Variants in MAML2 observed in about 807,000 individuals in gnomAD.
The protein encoded by MAML2 is mastermind like transcriptional coactivator 2.
In MAML2, 22 loss-of-function variants were observed where a neutral mutation model predicts 96.1. The ratio of observed to expected loss-of-function variants is 0.23; its 90% confidence interval spans 0.16 to 0.33. MAML2 has a LOEUF of 0.33. MAML2 is among the 10% of genes least tolerant of loss of function. The probability of loss-of-function intolerance (pLI) is 1.00; values close to 1 mark genes in which losing one functional copy is unlikely to be tolerated. For missense variants in MAML2, 1,367 were observed against 1,392.4 expected (o/e 0.98, Z 0.29); for synonymous variants, 561 against 521.3 (o/e 1.08, Z -1.04).
intron 2 of MAML2, among the ~76,000 whole-genome samples, chr11:96,074,952 G>GA (rs1859411303): frequency 6.6e-6 from 1 of 151,992 alleles, no homozygotes; most frequent in African/African-American, 2.4e-5. Flanking sequence ...TTTTCCTCTG[G>GA]AAAAAAAGAT....
intron 2 of MAML2, among the ~76,000 whole-genome samples, chr11:96,003,040 G>A (rs973160746): frequency 1.3e-5 from 2 of 150,812 alleles, no homozygotes; most frequent in Non-Finnish European, 3.0e-5. Context: ...GGATGAGGAG[G>A]ATGATGGGGA....
At chr11:95,993,691 T>C (rs11021370) in intron 2 of MAML2, among the ~76,000 whole-genome samples, 13,194 of 152,206 alleles carry the variant, frequency 0.087, 660 homozygotes, top group East Asian at 0.2. Flanking sequence ...TCTTTAACTA[T>C]GTGCCGAGCT....
Position 96,093,326 on chromosome 11 carries a change from C to G in MAML2, c.705G>C (p.Met235Ile). 1.2e-6 allele frequency: 2 copies of G among 1,613,968 alleles called. No homozygotes were observed. Among genetic ancestry groups the G allele is most frequent in the East Asian group, 2.2e-5 (1 of 44,884 alleles). The change falls in exon 2 of 5, where the codon ATG becomes ATC. Residue 235 changes from methionine (M) to isoleucine (I), a missense_variant. Met to Ile is a conservative substitution (Grantham distance 10). Coordinates refer to ENST00000524717, the MANE Select transcript of MAML2 (RefSeq NM_032427.4). The stretch of plus-strand genomic sequence containing the variant: ...TAGTCTTTCGCAGGGGTGCTTGGCT[C>G]ATAGGCAAGGTCCCTGACATAATCT... ...QSQIMSGTLP[M>I]SQAPLRKTNT... is the part of the protein sequence containing the mutation.
At chr11:96,272,272 A>G (rs868530868) in intron 1 of MAML2, among the ~76,000 whole-genome samples, 3 of 152,202 alleles carry the variant, frequency 2.0e-5, no homozygotes, top group Admixed American at 6.5e-5. Flanking sequence ...AGTGCCTGGC[A>G]TATAGTAGGA....
chr11:96,150,275 G>A (rs1166772492), intron 1 of MAML2, among the ~76,000 whole-genome samples: 1 of 152,150 alleles, frequency 6.6e-6, no homozygotes, highest in African/African-American at 2.4e-5. Context: ...CTCTCACGAA[G>A]CTCAGCTTCA....
chr11:96,299,885 A>T (rs1283358984), intron 1 of MAML2, among the ~76,000 whole-genome samples: 3 of 152,174 alleles, frequency 2.0e-5, no homozygotes, highest in Non-Finnish European at 4.4e-5. Flanking sequence ...GGGAATCAAA[A>T]CCAAAACAAT....
Position 96,092,003 on chromosome 11 carries a change from G to A in MAML2, c.2028C>T (p.Ser676=), listed in dbSNP as rs768527154. ...PSSQPAQSLP[S]QPLLRSPLPL... ...GCAAAGGTGACCTTAGCAAAGGCTG[G>A]CTTGGTAGAGATTGGGCAGGCTGAG... Residue 676 remains serine, a synonymous_variant, in exon 2 of 5, where the codon AGC becomes AGT. Coordinates refer to ENST00000524717, the MANE Select transcript of MAML2 (RefSeq NM_032427.4). The surrounding 1 kb of genome is among the most constrained non-coding windows in gnomAD (Gnocchi z 4.1). 2 of 1,582,390 alleles carry A rather than the reference G, an allele frequency of 1.3e-6. No homozygotes were observed. The highest frequency in any genetic ancestry group is 1.8e-5 in the Admixed American group (1 of 54,570).
At chr11:96,077,344 C>T (rs1335030986) in intron 2 of MAML2, among the ~76,000 whole-genome samples, 1 of 151,284 alleles carries the variant, frequency 6.6e-6, no homozygotes, top group Non-Finnish European at 1.5e-5. Context: ...CCCCAGCCTC[C>T]CAAGCAGTTG....
intron 1 of MAML2, among the ~76,000 whole-genome samples, chr11:96,263,762 C>T (rs974627666): frequency 1.3e-5 from 2 of 152,174 alleles, no homozygotes; most frequent in Non-Finnish European, 2.9e-5. Flanking sequence ...CCACAATGAC[C>T]CCTTTGAATG....
intron 2 of MAML2, among the ~76,000 whole-genome samples, chr11:95,992,905 G>T (rs1056352687): frequency 6.0e-5 from 9 of 151,158 alleles, no homozygotes; most frequent in African/African-American, 2.2e-4. Context: ...TTAAGAGACA[G>T]AGTCTCACTC....
intron 1 of MAML2, among the ~76,000 whole-genome samples, chr11:96,185,384 T>G (rs1664490415): frequency 6.6e-6 from 1 of 152,210 alleles, no homozygotes; most frequent in Admixed American, 6.5e-5. Flanking sequence ...TTATAGCCTG[T>G]TTCCAATATG....
intron 2 of MAML2, among the ~76,000 whole-genome samples, chr11:96,005,289 T>G (rs1858161017): frequency 6.6e-6 from 1 of 152,254 alleles, no homozygotes; most frequent in South Asian, 2.1e-4. Context: ...TGACATTTAA[T>G]TGATTCTTCT....
chr11:96,097,896 T>A lies in MAML2; in HGVS notation c.514-4379A>T, dbSNP rs1859859223. On this transcript the variant is annotated intron_variant, in intron 1 of 4. Coordinates refer to ENST00000524717, the MANE Select transcript of MAML2 (RefSeq NM_032427.4). ...CATTTCATAAGTGAAAAAATTGAGG[T>A]TCCTGACATTAAGATTACACAGTAA... Among the ~76,000 whole-genome samples, 3 of 152,104 alleles carry A rather than the reference T, an allele frequency of 2.0e-5. No individual in the cohort carries two copies. The South Asian group carries it at 6.2e-4, about 31-fold the overall frequency.
At chr11:96,339,344 A>G (rs1003424638) in intron 1 of MAML2, among the ~76,000 whole-genome samples, 6 of 152,210 alleles carry the variant, frequency 3.9e-5, no homozygotes, top group Non-Finnish European at 7.3e-5. Context: ...TTGCTACTGT[A>G]AAGTTACCAC....
intron 1 of MAML2, among the ~76,000 whole-genome samples, chr11:96,189,491 A>G (rs184028474): frequency 1.3e-5 from 2 of 152,350 alleles, no homozygotes; most frequent in Non-Finnish European, 2.9e-5. Flanking sequence ...ACTAGAAAGA[A>G]AAGTAGTCTC....
At chr11:96,152,618 G>A (rs140184004) in intron 1 of MAML2, among the ~76,000 whole-genome samples, 30 of 152,250 alleles carry the variant, frequency 2.0e-4, no homozygotes, top group Middle Eastern at 3.4e-3. Context: ...TCAGTCTCCT[G>A]ACACATGAAC....
chr11:96,249,622 C>T (rs1862555947), intron 1 of MAML2, among the ~76,000 whole-genome samples: 1 of 152,102 alleles, frequency 6.6e-6, no homozygotes, highest in Non-Finnish European at 1.5e-5. Flanking sequence ...TCAGTTCTTT[C>T]TTTGACACCC....
At position 95,978,874 on chromosome 11, in the gene MAML2, T is replaced by G; in HGVS notation, c.*74A>C. 1 of 1,338,552 alleles carries G rather than the reference T, an allele frequency of 7.5e-7. No individual in the cohort carries two copies. The highest frequency in any genetic ancestry group is 2.4e-5 in the East Asian group (1 of 41,404). 82.9% of individuals were successfully genotyped at this position (1,338,552 alleles called of 1,614,324 possible). A position where few individuals can be genotyped will look rare whatever the true frequency, so the allele number is the denominator to read the frequency against. Reference sequence around the variant, plus strand: ...TGTAGTCCACCTGAACATCAACAGTTCAGCCTCTACAGAGTTTCTGTAATA... The same window carrying G: ...TGTAGTCCACCTGAACATCAACAGTGCAGCCTCTACAGAGTTTCTGTAATA... On this transcript the variant is annotated 3_prime_UTR_variant, in exon 5 of 5. Coordinates refer to ENST00000524717, the MANE Select transcript of MAML2 (RefSeq NM_032427.4).
intron 2 of MAML2, among the ~76,000 whole-genome samples, chr11:96,064,235 C>T (rs893399316): frequency 6.6e-6 from 1 of 152,160 alleles, no homozygotes; most frequent in Admixed American, 6.5e-5. Context: ...CAGTAATGAA[C>T]CATCTGTGTT....
Sources: allele counts gnomAD v4.1 joint callset (sites outside exome capture counted in the v4.1 genomes callset), GRCh38; gene constraint gnomAD v4.1.1; non-coding constraint Gnocchi (gnomAD v3.1); transcripts MANE v1.5; gene names NCBI Gene and HGNC (gene_info 2026-07-23, HGNC 2026-07-21).